Variants in DIP2C observed in about 807,000 individuals in gnomAD.
DIP2C encodes the protein disco-interacting protein 2 homolog C.
In DIP2C, 33 loss-of-function variants were observed where a neutral mutation model predicts 192.4. That is an observed-to-expected ratio of 0.17 (90% CI 0.13 to 0.23). The LOEUF (loss-of-function observed/expected upper bound fraction) is 0.23. DIP2C is among the 10% of genes least tolerant of loss of function. DIP2C has a pLI of 1.00. For missense variants in DIP2C, 1,537 were observed against 2,110.1 expected (o/e 0.73, Z 5.32); for synonymous variants, 979 against 864.1 (o/e 1.13, Z -2.33).
chr10:657,562 T>C (rs1219682668), intron 1 of DIP2C, among the ~76,000 whole-genome samples: 7 of 34,222 alleles, frequency 2.0e-4, no homozygotes, highest in African/African-American at 3.3e-4. Context: ...ACTGGACCTG[T>C]CCCTGGACCT....
At chr10:404,086 T>A (rs1236155020) in intron 9 of DIP2C, among the ~76,000 whole-genome samples, 1 of 152,146 alleles carries the variant, frequency 6.6e-6, no homozygotes, top group East Asian at 1.9e-4. Flanking sequence ...ATGAATCCTA[T>A]GATTTTACAT....
chr10:649,861 C>T lies in DIP2C; in HGVS notation c.85+39633G>A, dbSNP rs997856749. 6.3e-5 allele frequency: 33 copies of T among 527,960 alleles called. No homozygotes were observed. The East Asian group carries it at 7.0e-4, about 11-fold the overall frequency. The allele number at this position is 527,960 out of a possible 1,614,324, so 32.7% of individuals were successfully genotyped here. On this transcript the variant is annotated intron_variant, in intron 1 of 36. Coordinates refer to ENST00000280886, the MANE Select transcript of DIP2C (RefSeq NM_014974.3). ...TTTATTTGCAGTAAGAGAAGCATGC[C>T]TTATTATCAAACAGGTGCATGGTCC... is the stretch of plus-strand genomic sequence containing the variant.
chr10:479,590 T>G (rs2050971), intron 2 of DIP2C, among the ~76,000 whole-genome samples: 58,656 of 151,924 alleles, frequency 0.39, 13,250 homozygotes, highest in Non-Finnish European at 0.52. Context: ...CGCCTCAGCC[T>G]CCCAAAGTGC....
intron 24 of DIP2C, 70 bp downstream of exon 24, chr10:356,356 G>T: frequency 6.5e-7 from 1 of 1,532,602 alleles, no homozygotes; most frequent in Non-Finnish European, 9.0e-7. Flanking sequence ...GAAAGAAGCA[G>T]GAGCGCTCCC....
intron 3 of DIP2C, among the ~76,000 whole-genome samples, chr10:463,478 G>A (rs892723288): frequency 1.3e-5 from 2 of 152,108 alleles, no homozygotes; most frequent in African/African-American, 4.8e-5. Flanking sequence ...ATAAACCACT[G>A]CTCAAGGAAA....
chr10:320,032 C>G (rs944414812), intron 31 of DIP2C, among the ~76,000 whole-genome samples: 2 of 152,158 alleles, frequency 1.3e-5, no homozygotes, highest in Non-Finnish European at 2.9e-5. Context: ...GAGGAAAATG[C>G]TGTTAGAAGG....
chr10:579,336 T>C (rs1254126645), intron 1 of DIP2C, among the ~76,000 whole-genome samples: 1 of 151,934 alleles, frequency 6.6e-6, no homozygotes, highest in African/African-American at 2.4e-5. Context: ...TGTACATGCA[T>C]AGTGTACACA....
intron 1 of DIP2C, among the ~76,000 whole-genome samples, chr10:520,312 G>A (rs1182402936): frequency 1.3e-5 from 2 of 152,142 alleles, no homozygotes; most frequent in Non-Finnish European, 2.9e-5. Flanking sequence ...CATCAGAGCC[G>A]ACAGCAACTG....
chr10:291,480 C>T (rs765346370), intron 32 of DIP2C, among the ~76,000 whole-genome samples: 1 of 152,192 alleles, frequency 6.6e-6, no homozygotes, highest in Admixed American at 6.5e-5. Flanking sequence ...AGGAAAAAAG[C>T]TACCCCGTAT....
chr10:578,243 T>G (rs1005564638), intron 1 of DIP2C, among the ~76,000 whole-genome samples: 2 of 152,254 alleles, frequency 1.3e-5, no homozygotes, highest in African/African-American at 4.8e-5. Flanking sequence ...TGTCATGAAC[T>G]GTTTATATTC....
At chr10:449,930 A>C (rs868496184) in intron 3 of DIP2C, among the ~76,000 whole-genome samples, 5,061 of 148,238 alleles carry the variant, frequency 0.034, 166 homozygotes, top group African/African-American at 0.085. Flanking sequence ...CAAAAAAAAA[A>C]AAAAAAGAAA....
chr10:606,730 CA>C (rs1852513790), intron 1 of DIP2C, among the ~76,000 whole-genome samples: 1 of 152,198 alleles, frequency 6.6e-6, no homozygotes, highest in Non-Finnish European at 1.5e-5. Flanking sequence ...TTGCAAACAA[CA>C]AAAAATCCAA....
chr10:308,330 C>T (rs1041031027), intron 32 of DIP2C, among the ~76,000 whole-genome samples: 3 of 151,852 alleles, frequency 2.0e-5, no homozygotes, highest in Admixed American at 6.5e-5. Flanking sequence ...TGAACTGCAC[C>T]GCCAGCTCCT....
intron 1 of DIP2C, among the ~76,000 whole-genome samples, chr10:568,783 A>AAAAAAC: frequency 6.8e-6 from 1 of 146,840 alleles, no homozygotes; most frequent in Non-Finnish European, 1.5e-5. Context: ...AAAAAAAAAA[A>AAAAAAC]AAAAAAAAAA....
intron 24 of DIP2C, among the ~76,000 whole-genome samples, chr10:351,369 C>T (rs1041497916): frequency 5.9e-5 from 9 of 152,166 alleles, no homozygotes; most frequent in Non-Finnish European, 1.0e-4. Context: ...CACAAGACAG[C>T]CGATGAGCGC....
intron 31 of DIP2C, among the ~76,000 whole-genome samples, chr10:312,442 C>G (rs577817503): frequency 6.6e-6 from 1 of 152,164 alleles, no homozygotes; most frequent in Non-Finnish European, 1.5e-5. Flanking sequence ...GTGTGTACGG[C>G]CCGGCACCCA....
At chr10:597,438 A>G (rs1246005707) in intron 1 of DIP2C, among the ~76,000 whole-genome samples, 1 of 144,142 alleles carries the variant, frequency 6.9e-6, no homozygotes, top group Non-Finnish European at 1.6e-5. Context: ...TCTAGCCCCA[A>G]TATCCCAGTG....
intron 1 of DIP2C, among the ~76,000 whole-genome samples, chr10:518,204 T>C (rs761507274): frequency 3.3e-5 from 5 of 152,238 alleles, no homozygotes; most frequent in Non-Finnish European, 5.9e-5. Context: ...CTGCCTCTTC[T>C]CTGCTGACCC....
chr10:639,619 C>T (rs931786841), intron 1 of DIP2C, among the ~76,000 whole-genome samples: 5 of 152,254 alleles, frequency 3.3e-5, no homozygotes, highest in African/African-American at 1.2e-4. Flanking sequence ...GGTCATTAAA[C>T]GCATGGCAAG....
Sources: allele counts gnomAD v4.1 joint callset (sites outside exome capture counted in the v4.1 genomes callset), GRCh38; gene constraint gnomAD v4.1.1; transcripts MANE v1.5; gene names NCBI Gene and HGNC (gene_info 2026-07-23, HGNC 2026-07-21).